Variants in KCNQ3 observed in about 807,000 individuals in gnomAD.
The protein encoded by KCNQ3 is potassium voltage-gated channel subfamily KQT member 3.
In KCNQ3, 30 loss-of-function variants were observed where a neutral mutation model predicts 92.5. The ratio of observed to expected loss-of-function variants is 0.32; its 90% CI spans 0.24 to 0.44. The LOEUF is 0.44. Ranked by LOEUF, KCNQ3 falls within the 20% of genes least tolerant of loss-of-function variation. The probability of loss-of-function intolerance (pLI) is 1.00; values close to 1 mark genes in which losing one functional copy is unlikely to be tolerated. For synonymous variants in KCNQ3, 450 were observed against 468.8 expected (o/e 0.96, Z 0.52); for missense variants, 913 against 1,140.3 (o/e 0.80, Z 2.87).
intron 1 of KCNQ3, among the ~76,000 whole-genome samples, chr8:132,384,891 C>T (rs1819851745): frequency 6.6e-6 from 1 of 152,176 alleles, no homozygotes; most frequent in Non-Finnish European, 1.5e-5. Context: ...GAGAATTAAA[C>T]AGGATAATCC....
At chr8:132,335,002 CT>C (rs2130670578) in intron 1 of KCNQ3, among the ~76,000 whole-genome samples, 1 of 132,796 alleles carries the variant, frequency 7.5e-6, no homozygotes, top group Admixed American at 8.5e-5. Flanking sequence ...TTCTTCCTTC[CT>C]TCCTTCCTTC....
intron 1 of KCNQ3, among the ~76,000 whole-genome samples, chr8:132,295,175 T>A (rs1816979435): frequency 6.6e-6 from 1 of 152,162 alleles, no homozygotes; most frequent in African/African-American, 2.4e-5. Flanking sequence ...TACAAGGAAC[T>A]TAAACAAATT....
chr8:132,186,824 G>A (rs945933826), intron 1 of KCNQ3, among the ~76,000 whole-genome samples: 1 of 151,984 alleles, frequency 6.6e-6, no homozygotes, highest in Non-Finnish European at 1.5e-5. Context: ...TCACAGAGAG[G>A]TCACCTGGTT....
At chr8:132,423,945 G>C (rs1273311941) in intron 1 of KCNQ3, among the ~76,000 whole-genome samples, 1 of 151,828 alleles carries the variant, frequency 6.6e-6, no homozygotes, top group Non-Finnish European at 1.5e-5. Flanking sequence ...CCAAAACTAG[G>C]TCAAAAAAAT....
At chr8:132,348,943 G>C (rs931995263) in intron 1 of KCNQ3, among the ~76,000 whole-genome samples, 3 of 152,116 alleles carry the variant, frequency 2.0e-5, no homozygotes, top group African/African-American at 7.2e-5. Flanking sequence ...TGTACCCTCG[G>C]GGCCCACCTA....
At chr8:132,161,160 G>C (rs1305233399) in intron 9 of KCNQ3, among the ~76,000 whole-genome samples, 1 of 152,130 alleles carries the variant, frequency 6.6e-6, no homozygotes, top group Non-Finnish European at 1.5e-5. Context: ...ATGGACTTGA[G>C]CTTTTTCCAA....
At chr8:132,403,003 C>T (rs139142354) in intron 1 of KCNQ3, among the ~76,000 whole-genome samples, 1,240 of 63,384 alleles carry the variant, frequency 0.02, 10 homozygotes, top group Admixed American at 0.033. Context: ...GGCAACAGGG[C>T]GAGGCACCAT....
chr8:132,272,664 T>C (rs1486017088), intron 1 of KCNQ3, among the ~76,000 whole-genome samples: 1 of 152,180 alleles, frequency 6.6e-6, no homozygotes, highest in Non-Finnish European at 1.5e-5. Context: ...GGAACTCCTC[T>C]TTTGAAAGCC....
chr8:132,374,795 G>A (rs1819566621), intron 1 of KCNQ3, among the ~76,000 whole-genome samples: 1 of 151,950 alleles, frequency 6.6e-6, no homozygotes, highest in African/African-American at 2.4e-5. Context: ...TTCTGTTCCT[G>A]GGTTAGTTTG....
intron 1 of KCNQ3, among the ~76,000 whole-genome samples, chr8:132,374,268 G>C (rs536979074): frequency 6.6e-6 from 1 of 152,248 alleles, no homozygotes; most frequent in South Asian, 2.1e-4. Flanking sequence ...CTTTCTCATG[G>C]TGATGTTGTA....
chr8:132,176,907 G>T (rs1826576090), intron 4 of KCNQ3, among the ~76,000 whole-genome samples: 1 of 152,186 alleles, frequency 6.6e-6, no homozygotes, highest in African/African-American at 2.4e-5. Flanking sequence ...CATTGTACGG[G>T]TGTGAGTTTG....
chr8:132,335,344 T>C (rs1645907710), intron 1 of KCNQ3, among the ~76,000 whole-genome samples: 1 of 152,144 alleles, frequency 6.6e-6, no homozygotes, highest in Non-Finnish European at 1.5e-5. Flanking sequence ...CAGCCCATCT[T>C]AGACATTTTT....
chr8:132,438,974 G>A (rs186277410), intron 1 of KCNQ3, among the ~76,000 whole-genome samples: 127 of 148,736 alleles, frequency 8.5e-4, no homozygotes, highest in Non-Finnish European at 1.6e-3. Flanking sequence ...GTCTTCAGCC[G>A]CAGTGTGACG....
intron 1 of KCNQ3, among the ~76,000 whole-genome samples, chr8:132,187,366 G>C (rs889630345): frequency 3.3e-5 from 5 of 152,280 alleles, no homozygotes; most frequent in African/African-American, 1.2e-4. Flanking sequence ...CATGATGTAA[G>C]GCGGATGGAA....
chr8:132,146,356 A>C (rs1487880998), intron 9 of KCNQ3, among the ~76,000 whole-genome samples: 1 of 152,218 alleles, frequency 6.6e-6, no homozygotes, highest in East Asian at 1.9e-4. Flanking sequence ...CCTTGAGGAC[A>C]TTATGCTAAA....
At chr8:132,416,577 G>T (rs118027114) in intron 1 of KCNQ3, among the ~76,000 whole-genome samples, 1 of 152,090 alleles carries the variant, frequency 6.6e-6, no homozygotes, top group Non-Finnish European at 1.5e-5. Context: ...AGCTGAGATC[G>T]TACAACTGCA....
chr8:132,480,488 G>GCCGCCGCCAGCCGCCC lies in KCNQ3; in HGVS notation c.29_44dup (p.Asp17GlyfsTer16). ...CGCCGCCTCCGCCGCCCCCGTCGCC[G>GCCGCCGCCAGCCGCCC]CCGCCGCCAGCCGCCCCCGCCGCCC... On this transcript the variant is annotated frameshift_variant, in exon 1 of 15. Coordinates refer to ENST00000388996, the MANE Select transcript of KCNQ3 (RefSeq NM_004519.4). LOFTEE classifies it high-confidence loss of function. The GCCGCCGCCAGCCGCCC allele has an allele frequency of 8.5e-7, 1 of 1,174,612 alleles. No homozygotes were observed. Among genetic ancestry groups the GCCGCCGCCAGCCGCCC allele is most frequent in the Non-Finnish European group, 1.0e-6 (1 of 956,288 alleles). 72.8% of individuals were successfully genotyped at this position (1,174,612 alleles called of 1,614,324 possible).
chr8:132,182,513 G>C (rs566361479), intron 3 of KCNQ3, among the ~76,000 whole-genome samples: 1 of 152,346 alleles, frequency 6.6e-6, no homozygotes, highest in Non-Finnish European at 1.5e-5. Flanking sequence ...AGGGTGGAGG[G>C]GGACCTGGAG....
At chr8:132,155,274 G>GTGTT (rs1491283849) in intron 9 of KCNQ3, among the ~76,000 whole-genome samples, 1 of 152,170 alleles carries the variant, frequency 6.6e-6, no homozygotes, top group Non-Finnish European at 1.5e-5. Flanking sequence ...TTAATGCTCA[G>GTGTT]TGTTTAGGTT....
Sources: gnomAD v4.1 joint callset for allele counts (sites outside exome capture counted in the v4.1 genomes callset) on GRCh38, gnomAD v4.1.1 for gene constraint, MANE v1.5 for transcripts, NCBI Gene and HGNC (gene_info 2026-07-23, HGNC 2026-07-21) for gene names.